Variants in YTHDF3 observed in about 807,000 individuals in gnomAD.
YTHDF3 encodes YTH domain-containing family protein 3.
YTHDF3 carries 9 observed loss-of-function variants against 52.5 expected under a neutral mutation model. The ratio of observed to expected loss-of-function variants is 0.17; its 90% confidence interval spans 0.10 to 0.30. YTHDF3 has a LOEUF of 0.30. YTHDF3 is among the 10% of genes least tolerant of loss of function. The pLI, the probability that YTHDF3 is intolerant of heterozygous loss-of-function variation, is 1.00. For synonymous variants in YTHDF3, 274 were observed against 243.3 expected, an observed-to-expected ratio of 1.13 and a Z score of -1.18; for missense variants, 534 against 715.0, an observed-to-expected ratio of 0.75 and a Z score of 2.89.
Position 63,198,391 on chromosome 8 carries a change from C to T in YTHDF3, c.1734+10646C>T, listed in dbSNP as rs183734709. On this transcript the variant is annotated intron_variant, in intron 4 of 4. Transcript: ENST00000539294. ...AAACGATTCTCATGCCTCAGCCTCC[C>T]GAGTAGCCAGGACTACAGGTGTGCG... Among the ~76,000 whole-genome samples the T allele has an allele frequency of 4.1e-4, 63 of 152,212 alleles. No individual in the cohort carries two copies. The East Asian group carries it at 0.011, about 27-fold the overall frequency.
At chr8:63,182,602 T>G (rs1221685533) in intron 3 of YTHDF3, among the ~76,000 whole-genome samples, 1 of 152,204 alleles carries the variant, frequency 6.6e-6, no homozygotes, top group East Asian at 1.9e-4. Flanking sequence ...TCTGAATGCT[T>G]TCTTATAAAG....
chr8:63,186,779 C>T lies in YTHDF3; in HGVS notation c.768C>T (p.Gly256=), dbSNP rs376179465. ...CTCAACCGAAACTTAAACCCAAGGG[C>T]AATGTGGGAATTGGGGGTTCTGCTG... ...AKPQPKLKPK[G]NVGIGGSAVP... The change falls in exon 4 of 5, where the codon GGC becomes GGT. Residue 256 remains glycine, a synonymous_variant. Transcript: ENST00000539294. The T allele has an allele frequency of 1.6e-5, 26 of 1,613,872 alleles. No homozygotes were observed. In the African/African-American group the frequency reaches 3.2e-4, roughly 20 times the overall value.
At chr8:63,193,270 C>T (rs1186157560) in intron 4 of YTHDF3, among the ~76,000 whole-genome samples, 6 of 148,244 alleles carry the variant, frequency 4.0e-5, no homozygotes, top group African/African-American at 7.5e-5. Context: ...CCCAGCTACT[C>T]GGGAGGCTGA....
rs1349449494 is a variant in YTHDF3 at position 63,186,464 on chromosome 8, T to C, written c.453T>C (p.Tyr151=). 2 of 1,613,922 alleles carry C rather than the reference T, an allele frequency of 1.2e-6. No homozygotes were observed. The highest frequency in any genetic ancestry group is 1.7e-5 in the Admixed American group (1 of 60,014). The change falls in exon 4 of 5, where the codon TAT becomes TAC. Residue 151 remains tyrosine, a synonymous_variant. Coordinates refer to ENST00000539294, the MANE Select transcript of YTHDF3 (RefSeq NM_152758.6). ...GACAATCAACACAAAGTTCTGCTTA[T>C]AGTAGCAGTTATGGCTATCCACCTA... ...SQGQSTQSSA[Y]SSSYGYPPSS... is the part of the protein sequence containing the mutation.
intron 3 of YTHDF3, 57 bp from the exon 4 acceptor site, chr8:63,186,090 T>C: frequency 6.8e-7 from 1 of 1,475,174 alleles, no homozygotes; most frequent in Non-Finnish European, 9.1e-7. Context: ...TTCAGATTTC[T>C]TTTTTTGCTC....
Position 63,181,523 on chromosome 8 carries a change from C to T in YTHDF3, c.136-4624C>T, listed in dbSNP as rs565601385. ...ATAAATATTTTCTTAATATTTCTTT[C>T]ACGATCTCAATTTTTGTATGTATGT... On this transcript the variant is annotated intron_variant, in intron 3 of 4. Transcript: ENST00000539294. 9.9e-5 allele frequency among the ~76,000 whole-genome samples: 15 copies of T among 152,242 alleles called. No individual in the cohort carries two copies. In the South Asian group the frequency reaches 3.1e-3, roughly 32 times the overall value.
chr8:63,177,105 C>T (rs1238991510), intron 3 of YTHDF3, among the ~76,000 whole-genome samples: 1 of 152,118 alleles, frequency 6.6e-6, no homozygotes, highest in Non-Finnish European at 1.5e-5. Flanking sequence ...AAATGAAAAA[C>T]GTACTCTAAA....
chr8:63,185,941 T>G (rs557126622), intron 3 of YTHDF3, among the ~76,000 whole-genome samples: 295 of 152,356 alleles, frequency 1.9e-3, no homozygotes, highest in Non-Finnish European at 3.4e-3. Context: ...TAGGTTAGTT[T>G]GTAAGAAATA....
chr8:63,204,319 A>T (rs554409180), intron 4 of YTHDF3, among the ~76,000 whole-genome samples: 1 of 151,822 alleles, frequency 6.6e-6, no homozygotes, highest in East Asian at 1.9e-4. Flanking sequence ...TTTCAATTTG[A>T]AAATCAAGAT....
At position 63,186,173 on chromosome 8, in the gene YTHDF3, T is replaced by G; in HGVS notation, c.162T>G (p.Asp54Glu). 6.2e-7 allele frequency: 1 copy of G among 1,613,270 alleles called. No homozygotes were observed. Among genetic ancestry groups the G allele is most frequent in the South Asian group, 1.1e-5 (1 of 91,054 alleles). The change falls in exon 4 of 5, where the codon GAT (aspartate) becomes GAG (glutamate). Residue 54 changes from aspartate (D) to glutamate (E), a missense_variant. Transcript: ENST00000539294. ...NQSNSYPPMS[D>E]PYMPSYYAPS... ...GTAACAGCTATCCACCAATGTCAGA[T>G]CCATACATGCCTAGTTACTATGCTC...
intron 2 of YTHDF3, among the ~76,000 whole-genome samples, chr8:63,174,136 C>T (rs1025926081): frequency 9.2e-5 from 14 of 152,048 alleles, no homozygotes; most frequent in Admixed American, 5.2e-4. Flanking sequence ...CAATTTAAAC[C>T]CGTCACCCTC....
intron 3 of YTHDF3, among the ~76,000 whole-genome samples, chr8:63,181,655 T>C (rs577806788): frequency 7.2e-5 from 11 of 152,376 alleles, no homozygotes; most frequent in Non-Finnish European, 1.3e-4. Context: ...TTGTTTTGCT[T>C]TCTTTGTAAT....
intron 2 of YTHDF3, among the ~76,000 whole-genome samples, chr8:63,174,381 A>T (rs1269517808): frequency 2.0e-5 from 3 of 152,220 alleles, no homozygotes; most frequent in Admixed American, 1.3e-4. Context: ...ATTTAATGTG[A>T]TTACATTTAA....
chr8:63,208,315 G>A (rs1381458596), intron 4 of YTHDF3, among the ~76,000 whole-genome samples: 1 of 152,148 alleles, frequency 6.6e-6, no homozygotes, highest in Non-Finnish European at 1.5e-5. Flanking sequence ...AATTTACAAT[G>A]CAGTTTTTAG....
At chr8:63,173,640 CT>C in intron 2 of YTHDF3, 1 of 985,014 alleles carries the variant, frequency 1.0e-6, no homozygotes, top group Non-Finnish European at 1.2e-6. Flanking sequence ...GCATACTTAC[CT>C]TTGATTTAGG....
chr8:63,185,412 AC>A (rs1318644597), intron 3 of YTHDF3, among the ~76,000 whole-genome samples: 43 of 152,084 alleles, frequency 2.8e-4, no homozygotes, highest in Admixed American at 2.8e-3. Flanking sequence ...ATTAAAAAAA[AC>A]CCAAACCTGT....
intron 4 of YTHDF3, among the ~76,000 whole-genome samples, chr8:63,192,205 A>C (rs4739067): frequency 0.35 from 53,255 of 151,848 alleles, 12,842 homozygotes; most frequent in East Asian, 0.78. Context: ...ATTTTGTAAT[A>C]TCCTTTGTGG....
At chr8:63,172,748 A>C in intron 2 of YTHDF3, 4 of 1,231,420 alleles carry the variant, frequency 3.2e-6, no homozygotes, top group East Asian at 3.2e-5. Flanking sequence ...CCCATGTTCT[A>C]TCTTGATTTG....
chr8:63,176,569 T>G (rs1807706285), intron 3 of YTHDF3, among the ~76,000 whole-genome samples: 1 of 151,564 alleles, frequency 6.6e-6, no homozygotes, highest in East Asian at 2.0e-4. Context: ...TGTGAGCCAC[T>G]GGGCCCAGCC....
Sources: gnomAD v4.1 joint callset for allele counts (sites outside exome capture counted in the v4.1 genomes callset) on GRCh38, gnomAD v4.1.1 for gene constraint, MANE v1.5 for transcripts, NCBI Gene and HGNC (gene_info 2026-07-23, HGNC 2026-07-21) for gene names.